The following FAM204A variants were observed in gnomAD, a reference collection of about 807,000 sequenced individuals.
The protein encoded by FAM204A is family with sequence similarity 204 member A, also known as protein FAM204A.
Under a neutral mutation model 35.4 loss-of-function variants are expected in FAM204A, and 16 were observed. The ratio of observed to expected loss-of-function variants is 0.45; its 90% CI spans 0.31 to 0.69. The LOEUF is 0.69. Among genes scored for constraint, FAM204A ranks in the 30% least tolerant of loss-of-function variants. The pLI, the probability that FAM204A is intolerant of heterozygous loss-of-function variation, is 0.07. For synonymous variants in FAM204A, 76 were observed against 86.9 expected (o/e 0.88, Z 0.70); for missense variants, 240 against 265.7 (o/e 0.90, Z 0.67).
chr10:118,316,211 T>C (rs773055945), intron 7 of FAM204A, among the ~76,000 whole-genome samples: 2 of 152,182 alleles, frequency 1.3e-5, no homozygotes, highest in African/African-American at 2.4e-5. Context: ...TTCGAAACTC[T>C]GCATTAATAT....
chr10:118,301,215 A>G lies in FAM204A; in HGVS notation c.*9642T>C, dbSNP rs997089720. The G allele has an allele frequency of 2.6e-5, 4 of 152,234 alleles. No homozygotes were observed. Among genetic ancestry groups the G allele is most frequent in the Non-Finnish European group, 5.9e-5 (4 of 68,040 alleles). The allele number at this position is 152,234 out of a possible 1,614,324, so 9.4% of individuals were successfully genotyped here. The stretch of plus-strand genomic sequence containing the variant: ...GCACGTACTGTGGAGTAATAACAAC[A>G]TTAGTACTAACAAACACTTACACAC... On this transcript the variant is annotated 3_prime_UTR_variant, in exon 9 of 9. Transcript: ENST00000369183.
Position 118,336,015 on chromosome 10 carries a change from G to C in FAM204A, c.234+167C>G. 5 of 688,112 alleles carry C rather than the reference G, an allele frequency of 7.3e-6. No individual in the cohort carries two copies. The East Asian group carries it at 1.2e-4, about 16-fold the overall frequency. The allele number at this position is 688,112 out of a possible 1,614,324, so 42.6% of individuals were successfully genotyped here. A position where few individuals can be genotyped will look rare whatever the true frequency, so the allele number is the denominator to read the frequency against. ...CTATGAAAAACAAAACAAAATAAACGCAAGTATCTAAGTGGCCGATGCCTC... is the reference window on the plus strand; with the variant it reads ...CTATGAAAAACAAAACAAAATAAACCCAAGTATCTAAGTGGCCGATGCCTC... On this transcript the variant is annotated intron_variant, in intron 3 of 8. Transcript: ENST00000369183.
At chr10:118,337,690 A>G (rs1846410414) in intron 2 of FAM204A, among the ~76,000 whole-genome samples, 3 of 152,176 alleles carry the variant, frequency 2.0e-5, no homozygotes, top group African/African-American at 7.2e-5. Context: ...GTATGAGGAA[A>G]TCATTTGACA....
intron 3 of FAM204A, chr10:118,335,921 G>A (rs1342232849): frequency 1.7e-5 from 9 of 536,482 alleles, no homozygotes; most frequent in Non-Finnish European, 2.6e-5. Flanking sequence ...AACTACTCAT[G>A]TACCACGCTA....
intron 7 of FAM204A, among the ~76,000 whole-genome samples, chr10:118,314,159 C>T (rs907730570): frequency 3.9e-5 from 6 of 152,168 alleles, no homozygotes; most frequent in Admixed American, 2.6e-4. Context: ...TGAGAGGGCT[C>T]CATCATTTTG....
At chr10:118,325,769 GGGT>G (rs772440616) in intron 7 of FAM204A, among the ~76,000 whole-genome samples, 9 of 152,134 alleles carry the variant, frequency 5.9e-5, no homozygotes, top group Admixed American at 3.3e-4. Context: ...ATTTTACCAA[GGGT>G]TAAGAAAAGG....
intron 2 of FAM204A, among the ~76,000 whole-genome samples, chr10:118,340,176 G>T (rs1445607699): frequency 1.3e-5 from 2 of 152,110 alleles, no homozygotes; most frequent in Non-Finnish European, 2.9e-5. Context: ...AGGTTCACTG[G>T]TAGTTATAGG....
Position 118,308,066 on chromosome 10 carries a change from C to T in FAM204A, c.*2791G>A, listed in dbSNP as rs943119528. The T allele has an allele frequency of 1.3e-5, 2 of 152,206 alleles. No homozygotes were observed. Among genetic ancestry groups the T allele is most frequent in the African/African-American group, 4.8e-5 (2 of 41,460 alleles). The allele number at this position is 152,206 out of a possible 1,614,324, so 9.4% of individuals were successfully genotyped here. On this transcript the variant is annotated 3_prime_UTR_variant, in exon 9 of 9. Coordinates refer to ENST00000369183, the MANE Select transcript of FAM204A (RefSeq NM_022063.3). ...AGAATGTTCTGCTGAAAATCAGAAA[C>T]ATCCTGAGGGCTCCCAAACAAGAAT...
intron 6 of FAM204A, among the ~76,000 whole-genome samples, chr10:118,329,684 T>C (rs538372853): frequency 6.6e-6 from 1 of 152,260 alleles, no homozygotes; most frequent in Admixed American, 6.5e-5. Flanking sequence ...TTCTCCCCTC[T>C]TGAGTCCTAT....
intron 6 of FAM204A, among the ~76,000 whole-genome samples, chr10:118,329,344 T>C (rs1415057698): frequency 6.6e-6 from 1 of 152,188 alleles, no homozygotes. Flanking sequence ...CTGAATAACA[T>C]CCCACTCCCT....
intron 7 of FAM204A, among the ~76,000 whole-genome samples, chr10:118,315,032 G>C (rs1390475870): frequency 1.3e-5 from 2 of 151,966 alleles, no homozygotes. Context: ...TTAAGATAAG[G>C]GCTTTAGCTG....
In FAM204A at chr10:118,336,303, T is replaced by A. The variant is rs748411294; in HGVS notation, c.113A>T (p.Asp38Val). The change falls in exon 3 of 9, where the codon GAT (aspartate) becomes GTT (valine). Residue 38 changes from aspartate (D) to valine (V), a missense_variant. Asp to Val is a radical substitution (Grantham distance 152). Coordinates refer to ENST00000369183, the MANE Select transcript of FAM204A (RefSeq NM_022063.3). ...GATTTCTGTTTTTCTGATGCTCTCA[T>A]CCTCTTTATCTTCCTGTAAGTTAAG... is the stretch of plus-strand genomic sequence containing the variant. ...SGLNLQEDKEDESIRKTEIID... is the reference protein window; with the variant it reads ...SGLNLQEDKEVESIRKTEIID... The A allele has an allele frequency of 6.2e-6, 10 of 1,613,934 alleles. No homozygotes were observed. In the South Asian group the frequency reaches 1.1e-4, roughly 18 times the overall value.
At position 118,337,270 on chromosome 10, in the gene FAM204A, G is replaced by C. The variant is rs144932264; in HGVS notation, c.-8-847C>G. 6.5e-5 allele frequency: 64 copies of C among 983,784 alleles called. No individual in the cohort carries two copies. The East Asian group carries it at 4.5e-3, about 70-fold the overall frequency. 60.9% of individuals were successfully genotyped at this position (983,784 alleles called of 1,614,324 possible). On this transcript the variant is annotated intron_variant, in intron 2 of 8. Transcript: ENST00000369183. ...CACAGTCTATTTTAGCACATATATT[G>C]AGCCAAAACCAGTTCCTTCAAAAGA... is the stretch of plus-strand genomic sequence containing the variant.
intron 7 of FAM204A, chr10:118,322,335 G>A (rs1267303424): frequency 8.8e-6 from 4 of 456,094 alleles, no homozygotes; most frequent in South Asian, 6.2e-5. Context: ...AACACCATCA[G>A]GAAAGGGACA....
rs1277838823 is a variant in FAM204A, at chr10:118,297,977, AAGT to A, written c.*12877_*12879del. 1.3e-5 allele frequency: 2 copies of A among 152,342 alleles called. No homozygotes were observed. The highest frequency in any genetic ancestry group is 3.9e-4 in the East Asian group (2 of 5,188). 9.4% of individuals were successfully genotyped at this position (152,342 alleles called of 1,614,324 possible). Reference sequence around the variant, plus strand: ...CTGAATTGTCACAACAGCCCTGACCAAGTAGTTATTATTGCCCTCCCTTACAGA... The same window carrying A: ...CTGAATTGTCACAACAGCCCTGACCAAGTTATTATTGCCCTCCCTTACAGA... On this transcript the variant is annotated 3_prime_UTR_variant, in exon 9 of 9. Transcript: ENST00000369183.
Position 118,326,216 on chromosome 10 carries a change from C to T in FAM204A, c.481G>A (p.Ala161Thr), listed in dbSNP as rs761949651. Reference sequence around the variant, plus strand: ...TTCTCAATATTCCACTCCTCCACAGCCTGGTCTATCCTCTTTTCAAGGCCT... The same window carrying T: ...TTCTCAATATTCCACTCCTCCACAGTCTGGTCTATCCTCTTTTCAAGGCCT... Reference protein sequence around the residue: ...KSGLEKRIDQAVEEWNIEKAE... With the variant: ...KSGLEKRIDQTVEEWNIEKAE... Residue 161 changes from alanine to threonine, a missense_variant, in exon 7 of 9, where the codon GCT (alanine) becomes ACT (threonine). Physicochemically the swap from Ala to Thr is moderately conservative, Grantham distance 58. Transcript: ENST00000369183. The T allele has an allele frequency of 1.3e-5, 21 of 1,613,824 alleles. 1 individual carries two copies. The South Asian group carries it at 2.2e-4, about 17-fold the overall frequency.
At chr10:118,333,440 A>G (rs948365548) in intron 6 of FAM204A, among the ~76,000 whole-genome samples, 1 of 152,208 alleles carries the variant, frequency 6.6e-6, no homozygotes, top group Admixed American at 6.5e-5. Context: ...TTTTTATCTC[A>G]GCATCTCCAA....
intron 3 of FAM204A, 77 bp from the exon 4 acceptor site, chr10:118,335,718 A>C: frequency 9.1e-7 from 1 of 1,093,994 alleles, no homozygotes; most frequent in East Asian, 2.5e-5. Context: ...ATGAAGTAAT[A>C]AAACAATTAT....
chr10:118,335,159 G>A lies in FAM204A; in HGVS notation c.408C>T (p.Val136=). 1 of 1,613,362 alleles carries A rather than the reference G, an allele frequency of 6.2e-7. No individual in the cohort carries two copies. The highest frequency in any genetic ancestry group is 8.5e-7 in the Non-Finnish European group (1 of 1,179,724). ...QWKELTQYFG[V]NDRFDPPVKR... The stretch of plus-strand genomic sequence containing the variant: ...TAACAGGCGGGTCAAATCTATCATT[G>A]ACTCCAAAATACTGAGTAAGCTCTT... Residue 136 remains valine (V), a synonymous_variant, in exon 6 of 9, where the codon GTC becomes GTT. Transcript: ENST00000369183.
Sources: allele counts gnomAD v4.1 joint callset (sites outside exome capture counted in the v4.1 genomes callset), GRCh38; gene constraint gnomAD v4.1.1; transcripts MANE v1.5; gene names NCBI Gene and HGNC (gene_info 2026-07-23, HGNC 2026-07-21).